The following USP28 variants were observed in gnomAD, a reference collection of about 807,000 sequenced individuals.
The protein encoded by USP28 is ubiquitin specific peptidase 28, also known as ubiquitin carboxyl-terminal hydrolase 28.
USP28 carries 113 observed loss-of-function variants against 145.0 expected under a neutral mutation model. The observed-to-expected ratio is 0.78, with a 90% confidence interval of 0.67 to 0.91. The LOEUF is 0.91. USP28 is among the 40% of genes least tolerant of loss of function. USP28 has a pLI of 0.00. For synonymous variants in USP28, 447 were observed against 450.9 expected, an observed-to-expected ratio of 0.99 and a Z score of 0.11; for missense variants, 1,201 against 1,289.6, an observed-to-expected ratio of 0.93 and a Z score of 1.05.
intron 1 of USP28, among the ~76,000 whole-genome samples, chr11:113,864,947 CCT>C: frequency 6.6e-6 from 1 of 152,236 alleles, no homozygotes; most frequent in Non-Finnish European, 1.5e-5. Flanking sequence ...AGCGATCCTC[CCT>C]CCTCAGCCTC....
intron 1 of USP28, among the ~76,000 whole-genome samples, chr11:113,872,483 T>C (rs1948923080): frequency 6.9e-6 from 1 of 144,870 alleles, no homozygotes; most frequent in African/African-American, 2.5e-5. Context: ...CGAGACTCCG[T>C]CTCAAAAAAA....
rs1203914653 is a variant in USP28 at position 113,840,670 on chromosome 11, C to T, written c.462G>A (p.Trp154Ter). The T allele has an allele frequency of 1.2e-6, 2 of 1,614,236 alleles. No homozygotes were observed. Among genetic ancestry groups the T allele is most frequent in the East Asian group, 2.2e-5 (1 of 44,890 alleles). Residue 154 changes from tryptophan to a stop codon, truncating the protein, a stop_gained, in exon 5 of 25, where the codon TGG (tryptophan) becomes TGA (stop). Coordinates refer to ENST00000003302, the Ensembl canonical transcript of USP28. LOFTEE classifies it high-confidence loss of function. ...CAACTGGCCAACCATCAACTCTCCT[C>T]CAGTCATTGGGATTGGGGTTTTCTC...
intron 12 of USP28, chr11:113,821,067 G>T (rs868758606): frequency 4.2e-6 from 1 of 238,342 alleles, no homozygotes. Flanking sequence ...AGGGGGATAT[G>T]GGAGTTGTCA....
At chr11:113,800,130 CAAGT>C (rs1938698919) in intron 24 of USP28, among the ~76,000 whole-genome samples, 1 of 151,938 alleles carries the variant, frequency 6.6e-6, no homozygotes, top group Admixed American at 6.6e-5. Flanking sequence ...CTCAGCCTCC[CAAGT>C]AGCTGGGACT....
At position 113,808,386 on chromosome 11, in the gene USP28, G is replaced by A. The variant is rs201169415; in HGVS notation, c.2216C>T (p.Ala739Val). ...GGCAGTTTGCTCCTTTACAATCACA[G>A]CATGCTCAGACGACAAGCAGCGAAC... The change falls in exon 18 of 25, where the codon GCT (alanine) becomes GTT (valine). Residue 739 changes from alanine (A) to valine (V), a missense_variant. Physicochemically the swap from Ala to Val is moderately conservative, Grantham distance 64. Transcript: ENST00000003302. 5.0e-5 allele frequency: 80 copies of A among 1,613,972 alleles called. 1 individual carries two copies. The highest frequency in any genetic ancestry group is 4.9e-4 in the Middle Eastern group (3 of 6,084).
At chr11:113,811,685 C>G (rs1452787096) in intron 16 of USP28, among the ~76,000 whole-genome samples, 1 of 149,570 alleles carries the variant, frequency 6.7e-6, no homozygotes, top group Non-Finnish European at 1.5e-5. Context: ...AAGACTATGT[C>G]TCAAAAAAAA....
intron 7 of USP28, among the ~76,000 whole-genome samples, chr11:113,832,684 T>C (rs529650849): frequency 6.6e-6 from 1 of 152,326 alleles, no homozygotes; most frequent in South Asian, 2.1e-4. Context: ...TTGAGAATTT[T>C]GTAGAACTGT....
rs1284919004 is a variant in USP28, at chr11:113,805,268, T to TC, written c.2401-223_2401-222insG. 2.9e-3 allele frequency among the ~76,000 whole-genome samples: 436 copies of TC among 151,808 alleles called. 2 individuals are homozygous for TC. Among genetic ancestry groups the TC allele is most frequent in the African/African-American group, 9.8e-3 (404 of 41,394 alleles). On this transcript the variant is annotated intron_variant, in intron 19 of 24. Transcript: ENST00000003302. The stretch of plus-strand genomic sequence containing the variant: ...CCAAAAACATACTGTACTTTTTTTT[T>TC]TTTTTGAGACAGAGTATCACTTTGT...
intron 11 of USP28, among the ~76,000 whole-genome samples, chr11:113,825,573 T>C (rs776583925): frequency 2.3e-4 from 35 of 152,218 alleles, no homozygotes; most frequent in Admixed American, 1.2e-3. Flanking sequence ...TCATTCATAA[T>C]AGCCTAAAAC....
At chr11:113,837,499 C>T (rs1190502724) in intron 5 of USP28, among the ~76,000 whole-genome samples, 6 of 152,246 alleles carry the variant, frequency 3.9e-5, no homozygotes, top group Admixed American at 3.9e-4. Flanking sequence ...AAAGCTCACT[C>T]TGGGACCATT....
At chr11:113,813,567 G>GT (rs1390744207) in intron 15 of USP28, among the ~76,000 whole-genome samples, 1 of 152,168 alleles carries the variant, frequency 6.6e-6, no homozygotes, top group African/African-American at 2.4e-5. Context: ...CTCTAGTTCA[G>GT]TTTTTCCCAC....
At chr11:113,863,462 G>A (rs965069036) in intron 1 of USP28, among the ~76,000 whole-genome samples, 6 of 151,658 alleles carry the variant, frequency 4.0e-5, no homozygotes, top group African/African-American at 1.2e-4. Flanking sequence ...CCTGAGCAAC[G>A]TGGCAAAACA....
chr11:113,837,605 A>C (rs1182747687), intron 5 of USP28, among the ~76,000 whole-genome samples: 1 of 152,152 alleles, frequency 6.6e-6, no homozygotes, highest in Non-Finnish European at 1.5e-5. Context: ...CTCCCTAACA[A>C]TCAGTTCCTT....
intron 1 of USP28, among the ~76,000 whole-genome samples, chr11:113,869,028 C>T (rs2137106015): frequency 6.6e-6 from 1 of 152,082 alleles, no homozygotes; most frequent in African/African-American, 2.4e-5. Context: ...GGCACGGTGG[C>T]TCATGCCTGT....
chr11:113,848,230 G>A (rs1024229594), intron 3 of USP28, among the ~76,000 whole-genome samples: 1 of 152,180 alleles, frequency 6.6e-6, no homozygotes, highest in African/African-American at 2.4e-5. Context: ...TACCAAAGGT[G>A]GGTGGACCAA....
At chr11:113,819,866 T>G (rs765618228) in intron 12 of USP28, among the ~76,000 whole-genome samples, 155 of 152,284 alleles carry the variant, frequency 1.0e-3, no homozygotes, top group Admixed American at 3.2e-3. Context: ...ACTACAGGCA[T>G]GCGCCACCAC....
In USP28 at chr11:113,802,826, T is replaced by C. The variant is rs1230822165; in HGVS notation, c.2862+332A>G. Reference sequence around the variant, plus strand: ...TCCTACATGACAGGCACAGAGGAAATGGCTGAGTGAGAAAAGGATCTGAGC... The same window carrying C: ...TCCTACATGACAGGCACAGAGGAAACGGCTGAGTGAGAAAAGGATCTGAGC... On this transcript the variant is annotated intron_variant, in intron 23 of 24. Coordinates refer to ENST00000003302, the Ensembl canonical transcript of USP28. Among the ~76,000 whole-genome samples, 4 of 152,098 alleles carry C rather than the reference T, an allele frequency of 2.6e-5. No homozygotes were observed. The East Asian group carries it at 7.7e-4, about 29-fold the overall frequency.
intron 9 of USP28, among the ~76,000 whole-genome samples, chr11:113,830,298 T>A (rs1460918518): frequency 6.6e-6 from 1 of 152,138 alleles, no homozygotes; most frequent in African/African-American, 2.4e-5. Flanking sequence ...CATATTGGTA[T>A]TGGGTTATGT....
At chr11:113,866,892 A>C (rs1948306429) in intron 1 of USP28, among the ~76,000 whole-genome samples, 1 of 152,252 alleles carries the variant, frequency 6.6e-6, no homozygotes, top group Non-Finnish European at 1.5e-5. Context: ...TAAATAACTC[A>C]AATGTCCGTC....
Sources: allele counts gnomAD v4.1 joint callset (sites outside exome capture counted in the v4.1 genomes callset), GRCh38; gene constraint gnomAD v4.1.1; transcripts MANE v1.5; gene names NCBI Gene and HGNC (gene_info 2026-07-23, HGNC 2026-07-21).